SEMA3A: variants seen among roughly 807,000 people sequenced by gnomAD.
SEMA3A encodes semaphorin-3A.
A neutral mutation model predicts 97.9 loss-of-function variants in SEMA3A; 29 were observed. The observed-to-expected ratio is 0.30, with a 90% confidence interval of 0.22 to 0.40. SEMA3A has a LOEUF of 0.40. SEMA3A is among the 10% of genes least tolerant of loss of function. The pLI, the probability that SEMA3A is intolerant of heterozygous loss-of-function variation, is 1.00. For synonymous variants in SEMA3A, 321 were observed against 323.7 expected (o/e 0.99, Z 0.09); for missense variants, 763 against 951.3 (o/e 0.80, Z 2.60).
At chr7:84,373,835 T>C (rs1803033578) in intron 1 of SEMA3A, among the ~76,000 whole-genome samples, 1 of 152,178 alleles carries the variant, frequency 6.6e-6, no homozygotes. Flanking sequence ...TAAAAGTGAG[T>C]ACTAACATTT....
At chr7:84,148,446 C>G (rs758020670) in intron 1 of SEMA3A, among the ~76,000 whole-genome samples, 2 of 152,096 alleles carry the variant, frequency 1.3e-5, no homozygotes, top group Non-Finnish European at 2.9e-5. Flanking sequence ...TTCTAATGAA[C>G]AGCATACAAC....
chr7:84,298,971 C>G (rs1441446563), intron 3 of SEMA3A, among the ~76,000 whole-genome samples: 3 of 152,090 alleles, frequency 2.0e-5, no homozygotes, highest in Admixed American at 6.6e-5. Flanking sequence ...GCTTCCTGCA[C>G]TTGAACATCA....
chr7:84,327,214 A>C (rs989891836), intron 2 of SEMA3A, among the ~76,000 whole-genome samples: 1 of 151,934 alleles, frequency 6.6e-6, no homozygotes, highest in African/African-American at 2.4e-5. Context: ...CCTATGAGAG[A>C]ATTCCAAAAG....
chr7:84,062,915 C>A (rs1271309912), intron 4 of SEMA3A, among the ~76,000 whole-genome samples: 1 of 151,918 alleles, frequency 6.6e-6, no homozygotes, highest in Non-Finnish European at 1.5e-5. Flanking sequence ...GTGGAGCCCA[C>A]CACAGCTCAA....
At chr7:84,171,606 T>C (rs1436390985) in intron 1 of SEMA3A, among the ~76,000 whole-genome samples, 1 of 152,132 alleles carries the variant, frequency 6.6e-6, no homozygotes, top group Non-Finnish European at 1.5e-5. Flanking sequence ...TGGTATGAAT[T>C]CAAATGTTTT....
Position 84,265,294 on chromosome 7 carries a change from C to A in SEMA3A, c.-83+41913G>T, listed in dbSNP as rs1030442761. ...GAGTGCAGTGGCATGATCTCTGCACCCAATTCCAGAATGGAGCACAGCAAC... is the reference window on the plus strand; with the variant it reads ...GAGTGCAGTGGCATGATCTCTGCACACAATTCCAGAATGGAGCACAGCAAC... On this transcript the variant is annotated intron_variant, in intron 3 of 3. Coordinates refer to the SEMA3A transcript ENST00000424555. Among the ~76,000 whole-genome samples, 15 of 151,608 alleles carry A rather than the reference C, an allele frequency of 9.9e-5. No homozygotes were observed. In the East Asian group the frequency reaches 2.9e-3, roughly 29 times the overall value.
chr7:84,487,101 TA>T (rs2116445554), intron 1 of SEMA3A, among the ~76,000 whole-genome samples: 1 of 152,246 alleles, frequency 6.6e-6, no homozygotes, highest in African/African-American at 2.4e-5. Flanking sequence ...ATGATAATAT[TA>T]AAAATTTATA....
Position 84,213,459 on chromosome 7 carries a change from A to G in SEMA3A, c.-82-18791T>C, listed in dbSNP as rs543051508. Among the ~76,000 whole-genome samples, 171 of 152,164 alleles carry G rather than the reference A, an allele frequency of 1.1e-3. 1 individual carries two copies. Among genetic ancestry groups the G allele is most frequent in the African/African-American group, 3.9e-3 (164 of 41,536 alleles). ...ACACTCAGCTAATTTTTATTTTTAAATGTTTTTTATAGATGAGGTCTCACT... is the reference window on the plus strand; with the variant it reads ...ACACTCAGCTAATTTTTATTTTTAAGTGTTTTTTATAGATGAGGTCTCACT... On this transcript the variant is annotated intron_variant, in intron 3 of 3. Coordinates refer to the SEMA3A transcript ENST00000424555.
chr7:84,270,743 T>C (rs1434781605), intron 3 of SEMA3A, among the ~76,000 whole-genome samples: 1 of 151,030 alleles, frequency 6.6e-6, no homozygotes, highest in Non-Finnish European at 1.5e-5. Context: ...CAGGAATACA[T>C]TAGGAATAAG....
At chr7:84,104,905 C>T (rs531831121) in intron 4 of SEMA3A, among the ~76,000 whole-genome samples, 1 of 152,260 alleles carries the variant, frequency 6.6e-6, no homozygotes, top group Non-Finnish European at 1.5e-5. Flanking sequence ...TTGTACAAGT[C>T]TATCTTCCAA....
chr7:84,102,502 C>G (rs1453277338), intron 4 of SEMA3A, among the ~76,000 whole-genome samples: 1 of 150,914 alleles, frequency 6.6e-6, no homozygotes, highest in Non-Finnish European at 1.5e-5. Context: ...AGCAGAGAGC[C>G]ATTGGGACCC....
chr7:84,210,475 G>C (rs1798600490), intron 3 of SEMA3A, among the ~76,000 whole-genome samples: 1 of 151,140 alleles, frequency 6.6e-6, no homozygotes, highest in Non-Finnish European at 1.5e-5. Flanking sequence ...GAACAATTTT[G>C]TCATTAACAG....
intron 4 of SEMA3A, among the ~76,000 whole-genome samples, chr7:84,093,226 T>C (rs1251983446): frequency 6.6e-6 from 1 of 152,126 alleles, no homozygotes; most frequent in African/African-American, 2.4e-5. Flanking sequence ...GAACAAATGG[T>C]CTTCAACAGT....
chr7:84,278,810 T>C (rs1800371716), intron 3 of SEMA3A, among the ~76,000 whole-genome samples: 1 of 152,104 alleles, frequency 6.6e-6, no homozygotes, highest in Non-Finnish European at 1.5e-5. Flanking sequence ...ATCCCCAGTA[T>C]ACAATCACCT....
At chr7:84,228,941 A>T (rs1258759314) in intron 3 of SEMA3A, among the ~76,000 whole-genome samples, 2 of 152,036 alleles carry the variant, frequency 1.3e-5, no homozygotes, top group East Asian at 3.9e-4. Flanking sequence ...TCCCTTTATT[A>T]AACTTGCCTC....
chr7:83,981,540 T>C (rs1258812586), intron 13 of SEMA3A, 62 bp from the exon 14 acceptor site: 1 of 1,311,838 alleles, frequency 7.6e-7, no homozygotes, highest in Non-Finnish European at 1.0e-6. Flanking sequence ...CTTGTTCTCT[T>C]AAAAAAGAGT....
chr7:84,334,245 CATAA>C (rs1487141886), intron 2 of SEMA3A, among the ~76,000 whole-genome samples: 3 of 151,698 alleles, frequency 2.0e-5, no homozygotes, highest in Admixed American at 1.3e-4. Flanking sequence ...ATTTTGTTTT[CATAA>C]ATATATTAAT....
intron 1 of SEMA3A, among the ~76,000 whole-genome samples, chr7:84,150,600 G>A (rs1796615896): frequency 6.6e-6 from 1 of 152,170 alleles, no homozygotes; most frequent in Non-Finnish European, 1.5e-5. Context: ...ACCCTATGGA[G>A]TCTCGCTGAT....
At chr7:84,103,900 G>C (rs1158938368) in intron 4 of SEMA3A, among the ~76,000 whole-genome samples, 1 of 151,980 alleles carries the variant, frequency 6.6e-6, no homozygotes, top group East Asian at 1.9e-4. Context: ...ACAAATTAAT[G>C]GAGGCTTTTA....
Sources: allele counts gnomAD v4.1 joint callset (sites outside exome capture counted in the v4.1 genomes callset), GRCh38; gene constraint gnomAD v4.1.1; transcripts MANE v1.5; gene names NCBI Gene and HGNC (gene_info 2026-07-23, HGNC 2026-07-21).